Variants in GALM observed in about 807,000 individuals in gnomAD.
The protein encoded by GALM is galactose mutarotase, also known as aldose 1-epimerase.
Under a neutral mutation model 37.4 loss-of-function variants are expected in GALM, and 43 were observed. The ratio of observed to expected loss-of-function variants is 1.15; its 90% CI spans 0.90 to 1.48. GALM has a LOEUF of 1.48. Ranked by LOEUF, GALM falls within the 40% of genes most tolerant of loss-of-function variation. The probability of loss-of-function intolerance (pLI) is 0.00; values close to 1 mark genes in which losing one functional copy is unlikely to be tolerated. For missense variants in GALM, 456 were observed against 419.1 expected, an observed-to-expected ratio of 1.09 and a Z score of -0.77; for synonymous variants, 199 against 170.6, an observed-to-expected ratio of 1.17 and a Z score of -1.30.
Position 38,731,859 on chromosome 2 carries a change from C to G in GALM, c.901C>G (p.His301Asp). Residue 301 changes from histidine (H) to aspartate (D), a missense_variant, in exon 6 of 7, where the codon CAC becomes GAC. By Grantham distance (81) the His-to-Asp change is moderately conservative (BLOSUM62 -1). Transcript: ENST00000272252. Reference sequence around the variant, plus strand: ...CAAGAATGGAGCTGTCTATCCCAAGCACTCCGGTTTCTGCCTGGAGACTCA... The same window carrying G: ...CAAGAATGGAGCTGTCTATCCCAAGGACTCCGGTTTCTGCCTGGAGACTCA... Reference protein sequence around the residue: ...KGKNGAVYPKHSGFCLETQNW... With the variant: ...KGKNGAVYPKDSGFCLETQNW... 1.2e-6 allele frequency: 2 copies of G among 1,614,136 alleles called. No homozygotes were observed. Among genetic ancestry groups the G allele is most frequent in the Non-Finnish European group, 1.7e-6 (2 of 1,180,004 alleles).
chr2:38,729,191 C>G (rs1037238623), intron 4 of GALM, among the ~76,000 whole-genome samples: 4 of 151,368 alleles, frequency 2.6e-5, no homozygotes, highest in Non-Finnish European at 5.9e-5. Flanking sequence ...TCCCCACCCT[C>G]TCCATATTTG....
intron 1 of GALM, among the ~76,000 whole-genome samples, chr2:38,675,539 T>TGTGTGTG (rs1553379799): frequency 2.4e-5 from 2 of 83,422 alleles, no homozygotes; most frequent in Non-Finnish European, 4.4e-5. Flanking sequence ...TTTTTTTTTT[T>TGTGTGTG]TTTTTGTGTG....
At chr2:38,696,686 G>A (rs1338754546) in intron 4 of GALM, among the ~76,000 whole-genome samples, 5 of 150,126 alleles carry the variant, frequency 3.3e-5, no homozygotes, top group Admixed American at 3.3e-4. Context: ...TGCCCAGGCT[G>A]GTCTCAAACT....
rs187995232 is a variant in GALM at position 38,673,357 on chromosome 2, C to A, written c.191-2555C>A. On this transcript the variant is annotated intron_variant, in intron 1 of 6. Coordinates refer to ENST00000272252, the MANE Select transcript of GALM (RefSeq NM_138801.3). The stretch of plus-strand genomic sequence containing the variant: ...AGTGAAAACTAGAGTGGAAAGTAAT[C>A]TTGGTAATAATACAGAAAACAATCT... Among the ~76,000 whole-genome samples the A allele has an allele frequency of 2.4e-3, 363 of 152,276 alleles. 1 individual carries two copies. Among genetic ancestry groups the A allele is most frequent in the Non-Finnish European group, 3.9e-3 (264 of 68,008 alleles).
chr2:38,710,180 C>T (rs1487782134), intron 4 of GALM, among the ~76,000 whole-genome samples: 1 of 152,210 alleles, frequency 6.6e-6, no homozygotes, highest in Non-Finnish European at 1.5e-5. Flanking sequence ...CAGATTCAGA[C>T]TCAGTGGCTG....
intron 4 of GALM, among the ~76,000 whole-genome samples, chr2:38,712,123 T>C (rs1318342471): frequency 1.3e-5 from 2 of 152,200 alleles, no homozygotes; most frequent in Admixed American, 1.3e-4. Context: ...AATTTCTTCT[T>C]TTAGTCAGCA....
intron 4 of GALM, among the ~76,000 whole-genome samples, chr2:38,703,534 C>A (rs1665974025): frequency 6.6e-6 from 1 of 152,102 alleles, no homozygotes; most frequent in African/African-American, 2.4e-5. Flanking sequence ...GCCTCATTGA[C>A]TGAATCTGTA....
At chr2:38,729,315 G>C (rs889916226) in intron 4 of GALM, among the ~76,000 whole-genome samples, 8 of 152,252 alleles carry the variant, frequency 5.3e-5, no homozygotes, top group South Asian at 2.1e-4. Context: ...AGCCTCCTGA[G>C]TAGCTGAGAC....
At chr2:38,696,988 C>T (rs1466216507) in intron 4 of GALM, among the ~76,000 whole-genome samples, 1 of 151,940 alleles carries the variant, frequency 6.6e-6, no homozygotes, top group African/African-American at 2.4e-5. Flanking sequence ...GGGGGTTTCA[C>T]CATGTTGGCC....
chr2:38,693,339 T>C (rs1411750671), intron 4 of GALM, among the ~76,000 whole-genome samples: 1 of 151,936 alleles, frequency 6.6e-6, no homozygotes, highest in African/African-American at 2.4e-5. Flanking sequence ...AAAAATTAGC[T>C]GGGTGTGATG....
chr2:38,698,228 T>A (rs1665849695), intron 4 of GALM: 1 of 348,104 alleles, frequency 2.9e-6, no homozygotes, highest in Non-Finnish European at 5.7e-6. Context: ...ATATATATAT[T>A]TTAAATAAAT....
intron 3 of GALM, among the ~76,000 whole-genome samples, chr2:38,688,229 G>C (rs913405462): frequency 6.7e-6 from 1 of 148,336 alleles, no homozygotes; most frequent in African/African-American, 2.5e-5. Context: ...AAAAAAATGT[G>C]TACTGGGTGC....
intron 2 of GALM, among the ~76,000 whole-genome samples, chr2:38,678,593 A>G (rs896874311): frequency 3.3e-5 from 5 of 152,216 alleles, no homozygotes; most frequent in Admixed American, 2.6e-4. Flanking sequence ...AATTACACAT[A>G]TAACAGGCTT....
chr2:38,708,231 C>T (rs927534487), intron 4 of GALM, among the ~76,000 whole-genome samples: 3 of 151,844 alleles, frequency 2.0e-5, no homozygotes, highest in African/African-American at 7.2e-5. Flanking sequence ...GCCCAGAGAG[C>T]TAGGGGCTAC....
At chr2:38,703,549 C>G (rs563118295) in intron 4 of GALM, among the ~76,000 whole-genome samples, 1 of 152,232 alleles carries the variant, frequency 6.6e-6, no homozygotes, top group South Asian at 2.1e-4. Flanking sequence ...TCTGTAAAAT[C>G]TGACTTGATG....
chr2:38,671,831 A>G (rs1665112061), intron 1 of GALM, among the ~76,000 whole-genome samples: 1 of 152,086 alleles, frequency 6.6e-6, no homozygotes, highest in African/African-American at 2.4e-5. Context: ...GTCTCTAGAA[A>G]AAATACAAAA....
intron 4 of GALM, among the ~76,000 whole-genome samples, chr2:38,720,031 G>A (rs1666345295): frequency 6.6e-6 from 1 of 151,616 alleles, no homozygotes; most frequent in Non-Finnish European, 1.5e-5. Flanking sequence ...GTGAAACCCC[G>A]TCTCTACTAA....
Position 38,681,367 on chromosome 2 carries a change from A to C in GALM, c.433A>C (p.Lys145Gln). The C allele has an allele frequency of 6.2e-7, 1 of 1,614,194 alleles. No homozygotes were observed. The highest frequency in any genetic ancestry group is 8.5e-7 in the Non-Finnish European group (1 of 1,180,016). Residue 145 changes from lysine (K) to glutamine (Q), a missense_variant, in exon 3 of 7, where the codon AAA becomes CAA. Transcript: ENST00000272252. ...DGEEGYPGEL[K>Q]VWVTYTLDGG... ...TGAAGAAGGCTACCCCGGAGAGTTA[A>C]AAGTCTGGGTGACATACACCCTGGA...
chr2:38,716,620 G>A (rs1558593699), intron 4 of GALM, among the ~76,000 whole-genome samples: 1 of 152,126 alleles, frequency 6.6e-6, no homozygotes, highest in Non-Finnish European at 1.5e-5. Context: ...AGGAGTTCAT[G>A]ACTCAAAAAA....
Sources: allele counts gnomAD v4.1 joint callset (sites outside exome capture counted in the v4.1 genomes callset), GRCh38; gene constraint gnomAD v4.1.1; transcripts MANE v1.5; gene names NCBI Gene and HGNC (gene_info 2026-07-23, HGNC 2026-07-21).